CACNA1E: variants seen among roughly 807,000 people sequenced by gnomAD.
CACNA1E encodes calcium voltage-gated channel subunit alpha1 E.
In CACNA1E, 40 loss-of-function variants were observed where a neutral mutation model predicts 259.2. That is an observed-to-expected ratio of 0.15 (90% CI 0.12 to 0.20). The LOEUF is 0.20. Among genes scored for constraint, CACNA1E ranks in the 10% least tolerant of loss-of-function variants. The pLI is 1.00. For missense variants in CACNA1E, 1,874 were observed against 3,040.1 expected, an observed-to-expected ratio of 0.62 and a Z score of 9.02; for synonymous variants, 1,104 against 1,138.5, an observed-to-expected ratio of 0.97 and a Z score of 0.61.
chr1:181,598,870 A>G (rs1653459349), intron 6 of CACNA1E, among the ~76,000 whole-genome samples: 1 of 150,714 alleles, frequency 6.6e-6, no homozygotes, highest in Admixed American at 6.6e-5. Flanking sequence ...TCCCTTCACC[A>G]TGACTGCTAG....
chr1:181,628,775 C>CTT (rs1376692977), intron 6 of CACNA1E, among the ~76,000 whole-genome samples: 1 of 152,114 alleles, frequency 6.6e-6, no homozygotes, highest in East Asian at 1.9e-4. Flanking sequence ...AAATGGAATC[C>CTT]TTTTTTCTCC....
At chr1:181,737,360 T>A (rs957186540) in intron 22 of CACNA1E, among the ~76,000 whole-genome samples, 165 bp from the exon 23 acceptor site, 2 of 152,186 alleles carry the variant, frequency 1.3e-5, no homozygotes, top group Non-Finnish European at 2.9e-5. Flanking sequence ...CACTGGGGCT[T>A]TAAATCAAGG....
rs529598232 is a variant in CACNA1E, at chr1:181,565,977, T to C, written c.513-11789T>C. On this transcript the variant is annotated intron_variant, in intron 3 of 47. Coordinates refer to ENST00000367573, the MANE Select transcript of CACNA1E (RefSeq NM_001205293.3). ...ACAACTCAAAGAACATGTATTTATGTAGATGATTTCTTATAATGTGGGATT... is the reference window on the plus strand; with the variant it reads ...ACAACTCAAAGAACATGTATTTATGCAGATGATTTCTTATAATGTGGGATT... 6.6e-5 allele frequency among the ~76,000 whole-genome samples: 10 copies of C among 152,320 alleles called. No individual in the cohort carries two copies. In the South Asian group the frequency reaches 2.1e-3, roughly 32 times the overall value.
chr1:181,694,438 G>T (rs1651503560), intron 7 of CACNA1E, among the ~76,000 whole-genome samples: 1 of 152,144 alleles, frequency 6.6e-6, no homozygotes, highest in South Asian at 2.1e-4. Flanking sequence ...GTTGAGAGGT[G>T]GGACCCTTAA....
chr1:181,609,187 G>A (rs892582616), intron 6 of CACNA1E, among the ~76,000 whole-genome samples: 1 of 152,234 alleles, frequency 6.6e-6, no homozygotes, highest in African/African-American at 2.4e-5. Flanking sequence ...AACACAAAAG[G>A]TCCATCAGGA....
intron 1 of CACNA1E, among the ~76,000 whole-genome samples, chr1:181,348,485 C>A (rs993458722): frequency 6.6e-6 from 1 of 152,132 alleles, no homozygotes; most frequent in Non-Finnish European, 1.5e-5. Flanking sequence ...AATGGCAGTT[C>A]TGCTGTTATC....
intron 3 of CACNA1E, among the ~76,000 whole-genome samples, chr1:181,569,758 A>G (rs754536951): frequency 6.6e-6 from 1 of 152,184 alleles, no homozygotes; most frequent in Non-Finnish European, 1.5e-5. Flanking sequence ...CTTCTCCTTG[A>G]GCGAAGGGCA....
At chr1:181,757,169 G>A (rs1252841609) in intron 30 of CACNA1E, 43 bp downstream of exon 30, 1 of 1,420,906 alleles carries the variant, frequency 7.0e-7, no homozygotes, top group Non-Finnish European at 9.9e-7. Flanking sequence ...AGAGGCTCCA[G>A]AAAGGATTCT....
chr1:181,637,791 G>GT (rs1035199226), intron 6 of CACNA1E, among the ~76,000 whole-genome samples: 2 of 152,178 alleles, frequency 1.3e-5, no homozygotes, highest in African/African-American at 4.8e-5. Context: ...CTCTGGGAAG[G>GT]TTTTTTAGTG....
At position 181,448,938 on chromosome 1, in the gene CACNA1E, C is replaced by T. The variant is rs894375583; in HGVS notation, c.435-34806C>T. On this transcript the variant is annotated intron_variant, in intron 2 of 11. Coordinates refer to the CACNA1E transcript ENST00000524607. ...TCAATTCAAGCTGCCCCAGCCAGCA[C>T]GGTTGACTGGCACAGAACGGCCTGG... Among the ~76,000 whole-genome samples, 25 of 152,344 alleles carry T rather than the reference C, an allele frequency of 1.6e-4. No homozygotes were observed. In the South Asian group the frequency reaches 1.9e-3, roughly 11 times the overall value.
chr1:181,590,401 C>CAA (rs397861970), intron 6 of CACNA1E, among the ~76,000 whole-genome samples: 83 of 118,602 alleles, frequency 7.0e-4, no homozygotes, highest in African/African-American at 2.3e-3. Context: ...GAGTCAATTA[C>CAA]AAAAAAAAAA....
At chr1:181,784,825 G>A (rs1660722840) in intron 41 of CACNA1E, 57 bp downstream of exon 41, 19 of 1,026,844 alleles carry the variant, frequency 1.9e-5, no homozygotes, top group South Asian at 1.1e-4. Flanking sequence ...TGAAGACTAC[G>A]TCTTTGGGGG....
Position 181,800,823 on chromosome 1 carries a change from T to C in CACNA1E, c.*1989T>C, listed in dbSNP as rs1189717382. On this transcript the variant is annotated 3_prime_UTR_variant, in exon 48 of 48. Transcript: ENST00000367573. ...TCATTTGTCATGGCCCCGCCTTCTC[T>C]TCTGATACTAATGGAGCTTCATGAC... 1 of 152,720 alleles carries C rather than the reference T, an allele frequency of 6.5e-6. No individual in the cohort carries two copies. Among genetic ancestry groups the C allele is most frequent in the Non-Finnish European group, 1.5e-5 (1 of 68,084 alleles). The allele number at this position is 152,720 out of a possible 1,614,324, so 9.5% of individuals were successfully genotyped here.
intron 1 of CACNA1E, among the ~76,000 whole-genome samples, chr1:181,348,469 T>C (rs1290346508): frequency 6.6e-6 from 1 of 152,114 alleles, no homozygotes; most frequent in Non-Finnish European, 1.5e-5. Context: ...GTCAGTATGG[T>C]TTGCTAATGG....
chr1:181,770,674 A>G (rs763725472), intron 35 of CACNA1E, among the ~76,000 whole-genome samples: 1 of 152,188 alleles, frequency 6.6e-6, no homozygotes, highest in African/African-American at 2.4e-5. Context: ...ACATATATAA[A>G]TATATGCATG....
chr1:181,403,179 T>C (rs1287800050), intron 1 of CACNA1E, among the ~76,000 whole-genome samples: 3 of 152,104 alleles, frequency 2.0e-5, no homozygotes, highest in Admixed American at 6.6e-5. Flanking sequence ...GTTTCCTCAT[T>C]TGTAAAATTG....
chr1:181,339,230 A>T (rs928439959), intron 1 of CACNA1E, among the ~76,000 whole-genome samples: 6 of 152,152 alleles, frequency 3.9e-5, no homozygotes, highest in Admixed American at 2.6e-4. Flanking sequence ...GATTGTGCTG[A>T]ATCTGTGTAT....
At chr1:181,514,390 G>T (rs1320246621) in intron 3 of CACNA1E, among the ~76,000 whole-genome samples, 2 of 152,186 alleles carry the variant, frequency 1.3e-5, no homozygotes, top group Admixed American at 6.5e-5. Context: ...GAGTCATCTG[G>T]TACTCAAAGA....
chr1:181,647,532 C>T (rs1356134977), intron 6 of CACNA1E, among the ~76,000 whole-genome samples: 1 of 152,294 alleles, frequency 6.6e-6, no homozygotes, highest in Admixed American at 6.5e-5. Flanking sequence ...AGTCACAACT[C>T]TGTGGTTGAA....
Sources: gnomAD v4.1 joint callset for allele counts (sites outside exome capture counted in the v4.1 genomes callset) on GRCh38, gnomAD v4.1.1 for gene constraint, MANE v1.5 for transcripts, NCBI Gene and HGNC (gene_info 2026-07-23, HGNC 2026-07-21) for gene names.